TMEM38A: variants seen among roughly 807,000 people sequenced by gnomAD.
TMEM38A encodes the protein trimeric intracellular cation channel type A.
TMEM38A carries 17 observed loss-of-function variants against 28.6 expected under a neutral mutation model. That is an observed-to-expected ratio of 0.60 (90% CI 0.41 to 0.89). The LOEUF is 0.89. TMEM38A is among the 40% of genes least tolerant of loss of function. The pLI is 0.00. For synonymous variants in TMEM38A, 169 were observed against 166.1 expected, an observed-to-expected ratio of 1.02 and a Z score of -0.14; for missense variants, 328 against 393.1, an observed-to-expected ratio of 0.83 and a Z score of 1.40.
intron 1 of TMEM38A, among the ~76,000 whole-genome samples, chr19:16,668,201 TC>T (rs1467755537): frequency 1.3e-5 from 2 of 151,868 alleles, no homozygotes; most frequent in Admixed American, 6.6e-5. Context: ...AGAGCAAGAC[TC>T]TGTCTCAGAA....
At chr19:16,677,303 G>A in intron 1 of TMEM38A, among the ~76,000 whole-genome samples, 1 of 152,004 alleles carries the variant, frequency 6.6e-6, no homozygotes, top group East Asian at 1.9e-4. Flanking sequence ...AAATTGGCAT[G>A]GGTACACTAT....
intron 1 of TMEM38A, among the ~76,000 whole-genome samples, chr19:16,665,455 A>C (rs2086698942): frequency 6.6e-6 from 1 of 151,602 alleles, no homozygotes; most frequent in African/African-American, 2.4e-5. Flanking sequence ...GTGCCACTGC[A>C]CTCCAGCCTG....
chr19:16,680,612 C>A (rs750292549), intron 3 of TMEM38A, 31 bp downstream of exon 3: 2 of 1,603,148 alleles, frequency 1.2e-6, no homozygotes, highest in Non-Finnish European at 1.7e-6. Context: ...GAAAAATCAT[C>A]CCAGTGGAGA....
At chr19:16,680,712 A>C (rs1599391000) in intron 3 of TMEM38A, 131 bp downstream of exon 3, 1 of 803,674 alleles carries the variant, frequency 1.2e-6, no homozygotes, top group Non-Finnish European at 2.0e-6. Flanking sequence ...AGGTGTTCAA[A>C]CCTCCCTACA....
intron 1 of TMEM38A, among the ~76,000 whole-genome samples, chr19:16,669,275 C>T (rs1166017586): frequency 4.8e-5 from 7 of 146,028 alleles, no homozygotes; most frequent in African/African-American, 1.5e-4. Flanking sequence ...GGTGTGATCT[C>T]GGCTCACTGC....
At chr19:16,687,088 T>G (rs2086805028) in intron 5 of TMEM38A, among the ~76,000 whole-genome samples, 1 of 152,080 alleles carries the variant, frequency 6.6e-6, no homozygotes, top group African/African-American at 2.4e-5. Flanking sequence ...TGCCAACACT[T>G]CAGGGGGCCA....
intron 1 of TMEM38A, among the ~76,000 whole-genome samples, chr19:16,666,298 G>T (rs185061600): frequency 1.6e-4 from 25 of 151,604 alleles, no homozygotes; most frequent in Admixed American, 1.3e-3. Context: ...TGTATTTTTA[G>T]TAGAGATGAG....
intron 1 of TMEM38A, among the ~76,000 whole-genome samples, chr19:16,678,868 G>C (rs555707422): frequency 1.3e-5 from 2 of 151,038 alleles, no homozygotes; most frequent in Admixed American, 6.6e-5. Flanking sequence ...CCAGCATAAG[G>C]CTGGGCACGG....
At chr19:16,669,314 C>T (rs181033422) in intron 1 of TMEM38A, among the ~76,000 whole-genome samples, 1 of 150,678 alleles carries the variant, frequency 6.6e-6, no homozygotes, top group African/African-American at 2.4e-5. Flanking sequence ...TCAAGCAATT[C>T]TCCTGCCTCA....
chr19:16,682,129 G>T (rs1166763961), intron 3 of TMEM38A, among the ~76,000 whole-genome samples: 4 of 152,036 alleles, frequency 2.6e-5, no homozygotes, highest in African/African-American at 9.7e-5. Flanking sequence ...TGGGGTCCTG[G>T]ATTAGGGGCA....
At chr19:16,681,301 T>G (rs751413450) in intron 3 of TMEM38A, among the ~76,000 whole-genome samples, 1 of 151,868 alleles carries the variant, frequency 6.6e-6, no homozygotes, top group Non-Finnish European at 1.5e-5. Context: ...AAATTAAAAT[T>G]AAAAAATAAA....
rs1404779198 is a variant in TMEM38A at position 16,689,277 on chromosome 19, C to G, written c.*906C>G. ...CTTGGCCCCCCTCTGTACGGAAGGG[C>G]CGATGCGAAGCTGCAGTTAAAAAAG... On this transcript the variant is annotated 3_prime_UTR_variant, in exon 6 of 6. Coordinates refer to ENST00000187762, the MANE Select transcript of TMEM38A (RefSeq NM_024074.4). 6.6e-6 allele frequency: 1 copy of G among 152,210 alleles called. No homozygotes were observed. The highest frequency in any genetic ancestry group is 1.5e-5 in the Non-Finnish European group (1 of 68,076). 9.4% of individuals were successfully genotyped at this position (152,210 alleles called of 1,614,324 possible).
intron 5 of TMEM38A, 100 bp from the exon 6 acceptor site, chr19:16,688,044 A>G (rs1435703360): frequency 1.2e-6 from 1 of 824,026 alleles, no homozygotes; most frequent in East Asian, 3.0e-5. Context: ...CTTTGATGAC[A>G]TTCTCTCCCC....
At chr19:16,683,777 C>G (rs908490946) in intron 4 of TMEM38A, among the ~76,000 whole-genome samples, 11 of 151,670 alleles carry the variant, frequency 7.3e-5, no homozygotes, top group African/African-American at 2.4e-4. Context: ...TTGAGACCAG[C>G]CTGACCAACA....
intron 1 of TMEM38A, among the ~76,000 whole-genome samples, chr19:16,663,173 T>C (rs2086689441): frequency 6.6e-6 from 1 of 151,180 alleles, no homozygotes; most frequent in African/African-American, 2.4e-5. Flanking sequence ...CCTAGCTGCT[T>C]GGGAGGCTGA....
At chr19:16,685,520 G>A (rs2086798247) in intron 4 of TMEM38A, among the ~76,000 whole-genome samples, 1 of 152,206 alleles carries the variant, frequency 6.6e-6, no homozygotes, top group South Asian at 2.1e-4. Context: ...AGCAATGTGT[G>A]ACAACATGCA....
intron 2 of TMEM38A, 95 bp downstream of exon 2, chr19:16,680,235 C>T: frequency 1.3e-6 from 2 of 1,523,094 alleles, no homozygotes; most frequent in Non-Finnish European, 1.8e-6. Context: ...TAGAATGCAC[C>T]AGCAACAGCC....
chr19:16,686,807 T>G (rs555703446), intron 5 of TMEM38A, among the ~76,000 whole-genome samples: 1 of 152,184 alleles, frequency 6.6e-6, no homozygotes, highest in Non-Finnish European at 1.5e-5. Context: ...GGGGCTGGGC[T>G]CTCTCCCTCT....
In TMEM38A at chr19:16,676,543, T is replaced by C. The variant is rs182879500; in HGVS notation, c.125-3441T>C. 3.3e-5 allele frequency among the ~76,000 whole-genome samples: 5 copies of C among 152,098 alleles called. No homozygotes were observed. The East Asian group carries it at 5.8e-4, about 18-fold the overall frequency. On this transcript the variant is annotated intron_variant, in intron 1 of 5. Coordinates refer to ENST00000187762, the MANE Select transcript of TMEM38A (RefSeq NM_024074.4). ...GTTGTTCTCTGCAAAACGAAACTAG[T>C]TGGGAAAGACAGAATCAATATGATG...
Sources: gnomAD v4.1 joint callset for allele counts (sites outside exome capture counted in the v4.1 genomes callset) on GRCh38, gnomAD v4.1.1 for gene constraint, MANE v1.5 for transcripts, NCBI Gene and HGNC (gene_info 2026-07-23, HGNC 2026-07-21) for gene names.